Variants in COL24A1 observed in about 807,000 individuals in gnomAD.
The protein encoded by COL24A1 is collagen type XXIV alpha 1 chain, also known as collagen alpha-1(XXIV) chain.
Under a neutral mutation model 253.9 loss-of-function variants are expected in COL24A1, and 224 were observed. The ratio of observed to expected loss-of-function variants is 0.88; its 90% CI spans 0.79 to 0.99. COL24A1 has a LOEUF of 0.99. COL24A1 is among the 50% of genes least tolerant of loss of function. COL24A1 has a pLI of 0.00. For missense variants in COL24A1, 2,131 were observed against 2,068.5 expected (o/e 1.03, Z -0.59); for synonymous variants, 685 against 673.7 (o/e 1.02, Z -0.26).
chr1:85,822,561 TTTGC>T (rs1362302418), intron 45 of COL24A1, among the ~76,000 whole-genome samples: 2 of 152,294 alleles, frequency 1.3e-5, no homozygotes, highest in Non-Finnish European at 1.5e-5. Flanking sequence ...AGATTTTTAG[TTTGC>T]TTGATAAGAT....
At chr1:85,784,399 A>G (rs777579057) in intron 48 of COL24A1, 33 bp from the exon 49 acceptor site, 2 of 1,476,378 alleles carry the variant, frequency 1.4e-6, no homozygotes, top group Non-Finnish European at 1.9e-6. Flanking sequence ...CGATCTTTAC[A>G]TCAGAACATA....
At chr1:86,087,817 C>A (rs1364404517) in intron 7 of COL24A1, among the ~76,000 whole-genome samples, 1 of 152,150 alleles carries the variant, frequency 6.6e-6, no homozygotes, top group Non-Finnish European at 1.5e-5. Flanking sequence ...CAGAAAAGAT[C>A]ACTGCAGTTT....
At chr1:86,046,737 A>T in intron 12 of COL24A1, 88 bp downstream of exon 12, 10 of 1,510,858 alleles carry the variant, frequency 6.6e-6, no homozygotes, top group Non-Finnish European at 9.1e-6. Context: ...ACAAAAAGCA[A>T]AAAGTATCTT....
At chr1:85,818,009 A>T (rs543731682) in intron 46 of COL24A1, 25 bp downstream of exon 46, 2 of 1,608,536 alleles carry the variant, frequency 1.2e-6, no homozygotes, top group South Asian at 1.1e-5. Context: ...AAAAGCAAGA[A>T]AGATGAAAGA....
At chr1:85,964,442 T>C (rs12740060) in intron 23 of COL24A1, among the ~76,000 whole-genome samples, 32,545 of 152,044 alleles carry the variant, frequency 0.21, 3,842 homozygotes, top group Non-Finnish European at 0.24. Flanking sequence ...AGTAATGTTA[T>C]AGAAACTTGC....
intron 43 of COL24A1, among the ~76,000 whole-genome samples, chr1:85,825,664 C>G (rs1296311709): frequency 2.0e-5 from 3 of 150,022 alleles, no homozygotes; most frequent in Admixed American, 6.7e-5. Flanking sequence ...TTGCATTTCT[C>G]TGATGGCCAG....
At chr1:85,864,878 T>C (rs955706622) in intron 37 of COL24A1, among the ~76,000 whole-genome samples, 1 of 152,210 alleles carries the variant, frequency 6.6e-6, no homozygotes, top group Admixed American at 6.5e-5. Context: ...AGATCTTAGA[T>C]AACACAGTGG....
intron 7 of COL24A1, among the ~76,000 whole-genome samples, chr1:86,064,451 G>T (rs1701331617): frequency 6.6e-6 from 1 of 152,078 alleles, no homozygotes. Flanking sequence ...GAAACTAAAA[G>T]AAAGGATGGC....
chr1:85,944,595 T>A (rs1277411361), intron 24 of COL24A1, among the ~76,000 whole-genome samples: 1 of 10,294 alleles, frequency 9.7e-5, no homozygotes, highest in East Asian at 4.8e-3. Context: ...GAAGAGACTC[T>A]TTTTTTTTTA....
intron 37 of COL24A1, among the ~76,000 whole-genome samples, chr1:85,860,592 T>C (rs1679029613): frequency 6.6e-6 from 1 of 152,054 alleles, no homozygotes; most frequent in African/African-American, 2.4e-5. Flanking sequence ...ATACAAAAAA[T>C]TAGCCAGGCG....
At position 85,865,478 on chromosome 1, in the gene COL24A1, G is replaced by T. The variant is rs573828045; in HGVS notation, c.3300+3041C>A. ...ATGTGTACTAGGCATGATTTTTCCT[G>T]GGAAAAATTATGAAGCAGATGAAAT... On this transcript the variant is annotated intron_variant, in intron 37 of 59. Coordinates refer to ENST00000370571, the MANE Select transcript of COL24A1 (RefSeq NM_152890.7). 9.0e-4 allele frequency among the ~76,000 whole-genome samples: 137 copies of T among 152,152 alleles called. 1 individual carries two copies. Among genetic ancestry groups the T allele is most frequent in the African/African-American group, 2.9e-3 (122 of 41,520 alleles).
chr1:85,909,117 C>A (rs890152554), intron 26 of COL24A1, among the ~76,000 whole-genome samples: 2 of 151,658 alleles, frequency 1.3e-5, no homozygotes, highest in Admixed American at 6.6e-5. Flanking sequence ...GGACCACACA[C>A]TTTATGGTAT....
chr1:86,132,597 T>C (rs1191972255), intron 2 of COL24A1, among the ~76,000 whole-genome samples: 2 of 152,238 alleles, frequency 1.3e-5, no homozygotes, highest in Non-Finnish European at 2.9e-5. Context: ...TAGCCAGTTT[T>C]CCCAGCACCA....
At chr1:86,041,089 A>G (rs1699438829) in intron 12 of COL24A1, among the ~76,000 whole-genome samples, 1 of 152,192 alleles carries the variant, frequency 6.6e-6, no homozygotes, top group Non-Finnish European at 1.5e-5. Context: ...AGAAAAACAT[A>G]TGAGAAAAGA....
chr1:85,775,492 T>TG (rs1668447187), intron 53 of COL24A1, among the ~76,000 whole-genome samples, 182 bp downstream of exon 53: 3 of 152,134 alleles, frequency 2.0e-5, no homozygotes, highest in African/African-American at 2.4e-5. Flanking sequence ...CCCATTATTA[T>TG]TGTGTGAGTC....
intron 14 of COL24A1, among the ~76,000 whole-genome samples, chr1:86,024,954 C>T (rs1559045188): frequency 1.3e-5 from 2 of 151,608 alleles, no homozygotes; most frequent in Non-Finnish European, 2.9e-5. Context: ...ATATAATATC[C>T]TATTTTACTT....
chr1:86,020,927 T>C (rs912861481), intron 18 of COL24A1, among the ~76,000 whole-genome samples: 1 of 152,192 alleles, frequency 6.6e-6, no homozygotes, highest in African/African-American at 2.4e-5. Context: ...TAAGCCCTTA[T>C]GGCAATAAGC....
intron 1 of COL24A1, among the ~76,000 whole-genome samples, chr1:86,147,371 T>G (rs908297595): frequency 2.0e-4 from 30 of 152,230 alleles, no homozygotes; most frequent in Admixed American, 1.3e-3. Context: ...AAATTGAACA[T>G]TCTATGGCCG....
intron 30 of COL24A1, 47 bp from the exon 31 acceptor site, chr1:85,895,949 G>A: frequency 6.2e-7 from 1 of 1,601,434 alleles, no homozygotes; most frequent in Non-Finnish European, 8.5e-7. Context: ...CCTCCAAAAA[G>A]ATTAATCATA....
Sources: allele counts gnomAD v4.1 joint callset (sites outside exome capture counted in the v4.1 genomes callset), GRCh38; gene constraint gnomAD v4.1.1; transcripts MANE v1.5; gene names NCBI Gene and HGNC (gene_info 2026-07-23, HGNC 2026-07-21).